SMURF2: variants seen among roughly 807,000 people sequenced by gnomAD.
The protein encoded by SMURF2 is SMAD specific E3 ubiquitin protein ligase 2, also known as E3 ubiquitin-protein ligase SMURF2.
Under a neutral mutation model 109.6 loss-of-function variants are expected in SMURF2, and 48 were observed. The ratio of observed to expected loss-of-function variants is 0.44; its 90% CI spans 0.35 to 0.56. The LOEUF is 0.56. SMURF2 is among the 20% of genes least tolerant of loss of function. The pLI is 0.01. For missense variants in SMURF2, 575 were observed against 909.0 expected (o/e 0.63, Z 4.72); for synonymous variants, 288 against 317.1 (o/e 0.91, Z 0.97).
At chr17:64,593,340 G>A (rs556322948) in intron 4 of SMURF2, 100 bp downstream of exon 4, 2 of 931,114 alleles carry the variant, frequency 2.1e-6, no homozygotes, top group Middle Eastern at 4.0e-4. Flanking sequence ...ATATATTTGA[G>A]GATACATATA....
At chr17:64,655,707 T>G (rs1970696605) in intron 1 of SMURF2, among the ~76,000 whole-genome samples, 1 of 151,874 alleles carries the variant, frequency 6.6e-6, no homozygotes, top group South Asian at 2.1e-4. Flanking sequence ...ACCAACATGG[T>G]GTAAACCCAT....
chr17:64,573,798 G>A (rs191549329), intron 9 of SMURF2, among the ~76,000 whole-genome samples: 13 of 152,210 alleles, frequency 8.5e-5, no homozygotes, highest in African/African-American at 2.6e-4. Flanking sequence ...CCACTGCACC[G>A]GCCCCAAATA....
Position 64,549,262 on chromosome 17 carries a change from C to CAAAAAAAAAAAAAA in SMURF2, c.1870-1475_1870-1462dup, listed in dbSNP as rs577973821. On this transcript the variant is annotated intron_variant, in intron 16 of 18. Coordinates refer to ENST00000262435, the MANE Select transcript of SMURF2 (RefSeq NM_022739.4). The stretch of plus-strand genomic sequence containing the variant: ...TGGGGGACAAGTGAGACTGTGTCTC[C>CAAAAAAAAAAAAAA]AAAAAAAAAAAAAAAAAAAAAAAAA... Among the ~76,000 whole-genome samples, 2 of 41,572 alleles carry CAAAAAAAAAAAAAA rather than the reference C, an allele frequency of 4.8e-5. 1 individual carries two copies. 27.3% of individuals were successfully genotyped at this position (41,572 alleles called of 152,430 possible).
chr17:64,604,665 G>C (rs1187093269), intron 2 of SMURF2, among the ~76,000 whole-genome samples: 1 of 152,128 alleles, frequency 6.6e-6, no homozygotes, highest in Non-Finnish European at 1.5e-5. Flanking sequence ...GCTCCTCTCA[G>C]CCGGGCGCGA....
chr17:64,556,145 G>A, intron 13 of SMURF2, 147 bp from the exon 14 acceptor site: 1 of 574,724 alleles, frequency 1.7e-6, no homozygotes, highest in Non-Finnish European at 3.1e-6. Context: ...ATTTCTCTAG[G>A]GCATGCTCCA....
chr17:64,555,145 C>G, intron 14 of SMURF2, 152 bp from the exon 15 acceptor site: 1 of 696,042 alleles, frequency 1.4e-6, no homozygotes, highest in Non-Finnish European at 2.3e-6. Flanking sequence ...TCTTTCTGGA[C>G]AGAAAAGTCA....
chr17:64,632,033 C>G (rs1320223177), intron 1 of SMURF2, among the ~76,000 whole-genome samples: 1 of 144,608 alleles, frequency 6.9e-6, no homozygotes, highest in Admixed American at 7.1e-5. Context: ...TCTCGGCTCA[C>G]TGCCAACCTC....
chr17:64,658,763 T>C (rs2144742488), intron 1 of SMURF2, among the ~76,000 whole-genome samples: 1 of 152,324 alleles, frequency 6.6e-6, no homozygotes, highest in South Asian at 2.1e-4. Flanking sequence ...CTGTAAAGAA[T>C]ATTTTTCTAT....
intron 1 of SMURF2, among the ~76,000 whole-genome samples, chr17:64,648,690 T>C (rs1357684977): frequency 6.6e-6 from 1 of 152,128 alleles, no homozygotes; most frequent in Non-Finnish European, 1.5e-5. Context: ...GAGGATTACT[T>C]GAGCCCAGGT....
chr17:64,602,441 C>T (rs142564655), intron 2 of SMURF2, among the ~76,000 whole-genome samples: 13 of 152,188 alleles, frequency 8.5e-5, no homozygotes, highest in African/African-American at 3.1e-4. Flanking sequence ...TTAAATAACA[C>T]AGTAAACAAA....
intron 1 of SMURF2, among the ~76,000 whole-genome samples, chr17:64,652,223 C>G (rs1970649410): frequency 6.6e-6 from 1 of 152,166 alleles, no homozygotes. Context: ...TTTCTTATAT[C>G]TGCATTTATG....
intron 1 of SMURF2, among the ~76,000 whole-genome samples, chr17:64,617,351 C>T (rs1555690195): frequency 6.6e-6 from 1 of 151,960 alleles, no homozygotes; most frequent in Non-Finnish European, 1.5e-5. Context: ...ATATTCAGTA[C>T]CTGGCAAGTA....
intron 6 of SMURF2, among the ~76,000 whole-genome samples, chr17:64,584,961 A>C (rs193217699): frequency 6.6e-6 from 1 of 152,198 alleles, no homozygotes; most frequent in African/African-American, 2.4e-5. Flanking sequence ...CATATCTATA[A>C]AAGAGCTAAC....
intron 1 of SMURF2, among the ~76,000 whole-genome samples, chr17:64,649,349 A>G (rs1351298650): frequency 2.0e-4 from 30 of 152,146 alleles, no homozygotes; most frequent in Non-Finnish European, 1.5e-4. Flanking sequence ...AAGCGCCAGC[A>G]TGCTACAGAG....
chr17:64,577,674 C>A (rs983429067), intron 9 of SMURF2, among the ~76,000 whole-genome samples: 2 of 151,878 alleles, frequency 1.3e-5, no homozygotes, highest in African/African-American at 4.8e-5. Flanking sequence ...AGGCTCACTG[C>A]AGCTTCAACC....
intron 15 of SMURF2, 112 bp from the exon 16 acceptor site, chr17:64,551,816 C>T (rs1182862121): frequency 2.0e-5 from 26 of 1,324,912 alleles, no homozygotes; most frequent in Admixed American, 2.0e-5. Context: ...CTAACATTAA[C>T]GGTTTAGCCT....
chr17:64,593,691 T>G (rs1295215996), intron 3 of SMURF2, 118 bp from the exon 4 acceptor site: 21 of 728,668 alleles, frequency 2.9e-5, no homozygotes, highest in Admixed American at 1.0e-4. Context: ...CTGGCTAGAT[T>G]ATGCAAAATA....
intron 1 of SMURF2, among the ~76,000 whole-genome samples, chr17:64,611,570 T>C (rs1415785012): frequency 1.3e-5 from 2 of 152,166 alleles, no homozygotes; most frequent in Admixed American, 6.5e-5. Flanking sequence ...CCTGACATCC[T>C]GACAATTACA....
intron 1 of SMURF2, among the ~76,000 whole-genome samples, chr17:64,635,310 G>A (rs1464253368): frequency 6.6e-6 from 1 of 152,298 alleles, no homozygotes; most frequent in South Asian, 2.1e-4. Flanking sequence ...CTGGGCGACA[G>A]AGCGAGACTA....
Sources: gnomAD v4.1 joint callset for allele counts (sites outside exome capture counted in the v4.1 genomes callset) on GRCh38, gnomAD v4.1.1 for gene constraint, MANE v1.5 for transcripts, NCBI Gene and HGNC (gene_info 2026-07-23, HGNC 2026-07-21) for gene names.